FBXO34: variants seen among roughly 807,000 people sequenced by gnomAD.
FBXO34 encodes F-box only protein 34.
FBXO34 carries 12 observed loss-of-function variants against 24.5 expected under a neutral mutation model. The observed-to-expected ratio is 0.49, with a 90% CI of 0.31 to 0.79. FBXO34 has a LOEUF of 0.79. Among genes scored for constraint, FBXO34 ranks in the 30% least tolerant of loss-of-function variants. The pLI is 0.04. For missense variants in FBXO34, 823 were observed against 857.7 expected, an observed-to-expected ratio of 0.96 and a Z score of 0.51; for synonymous variants, 320 against 311.9, an observed-to-expected ratio of 1.03 and a Z score of -0.27.
chr14:55,347,943 T>G (rs569038756), intron 1 of FBXO34, among the ~76,000 whole-genome samples: 1 of 152,314 alleles, frequency 6.6e-6, no homozygotes, highest in East Asian at 1.9e-4. Flanking sequence ...CATTTAGGAA[T>G]GGGGTTGAAC....
At chr14:55,356,165 C>G (rs1043221826), downstream of FBXO34, among the ~76,000 whole-genome samples, 2 of 152,150 alleles carry the variant, frequency 1.3e-5, no homozygotes, top group Non-Finnish European at 2.9e-5. Flanking sequence ...TCGTGCCAAC[C>G]TTTTTGGACC....
At chr14:55,279,482 A>C (rs894841205) in intron 1 of FBXO34, among the ~76,000 whole-genome samples, 3 of 152,210 alleles carry the variant, frequency 2.0e-5, no homozygotes, top group Non-Finnish European at 4.4e-5. Flanking sequence ...CTGAATTCAC[A>C]GTGAAAGGAA....
In FBXO34 at chr14:55,351,789, C is replaced by G; in HGVS notation, c.1399C>G (p.Gln467Glu). ...CACTGTGTCCAAGGTAGACAAAGAC[C>G]AGCCTTCCATTTTAAACTCCTGTGA... The part of the protein sequence containing the change: ...SITVSKVDKD[Q>E]PSILNSCEDP... The change falls in exon 2 of 2, where the codon CAG becomes GAG. Residue 467 changes from glutamine to glutamate, a missense_variant. Transcript: ENST00000313833. 6.2e-7 allele frequency: 1 copy of G among 1,614,140 alleles called. No homozygotes were observed. The highest frequency in any genetic ancestry group is 8.5e-7 in the Non-Finnish European group (1 of 1,180,026).
At chr14:55,287,558 A>G (rs1238702092) in intron 1 of FBXO34, among the ~76,000 whole-genome samples, 1 of 152,248 alleles carries the variant, frequency 6.6e-6, no homozygotes, top group Non-Finnish European at 1.5e-5. Flanking sequence ...AAGCAACATC[A>G]TCAACAAATA....
At chr14:55,284,195 T>C (rs1594724776) in intron 1 of FBXO34, among the ~76,000 whole-genome samples, 1 of 152,000 alleles carries the variant, frequency 6.6e-6, no homozygotes, top group African/African-American at 2.4e-5. Flanking sequence ...GACTGTAGGG[T>C]ATAAAATTTT....
chr14:55,374,819 A>G (rs1369003338), downstream of FBXO34, among the ~76,000 whole-genome samples: 1 of 152,200 alleles, frequency 6.6e-6, no homozygotes, highest in Non-Finnish European at 1.5e-5. Flanking sequence ...TTCCACATAT[A>G]CAAGAGTCTG....
intron 1 of FBXO34, among the ~76,000 whole-genome samples, chr14:55,287,642 T>G (rs1381058180): frequency 6.6e-6 from 1 of 152,188 alleles, no homozygotes; most frequent in Non-Finnish European, 1.5e-5. Flanking sequence ...GTTTGTTTGT[T>G]TGTTTTATTA....
the FBXO34 span, chr14:55,394,971 C>A: frequency 2.4e-6 from 1 of 424,710 alleles, no homozygotes; most frequent in Non-Finnish European, 4.6e-6. Flanking sequence ...ACTGACACTT[C>A]AAAGGGGCTC....
intron 1 of FBXO34, among the ~76,000 whole-genome samples, chr14:55,323,228 T>A (rs1390391151): frequency 0.048 from 3,654 of 75,404 alleles, 309 homozygotes; most frequent in Non-Finnish European, 0.056. Flanking sequence ...AATATATATT[T>A]TTTTTTTTTT....
At chr14:55,442,388 C>CA in the FBXO34 span, among the ~76,000 whole-genome samples, 2,234 of 138,442 alleles carry the variant, frequency 0.016, 55 homozygotes, top group African/African-American at 0.049. Flanking sequence ...GACTCTGTCT[C>CA]AAAAAAAAAA....
the FBXO34 span, chr14:55,435,995 AC>A: frequency 9.3e-7 from 1 of 1,070,754 alleles, no homozygotes; most frequent in Non-Finnish European, 1.3e-6. Flanking sequence ...AAAAAAAAAG[AC>A]AACTTATTTT....
the FBXO34 span, among the ~76,000 whole-genome samples, chr14:55,437,840 G>A: frequency 2.6e-4 from 39 of 152,274 alleles, no homozygotes; most frequent in African/African-American, 7.2e-4. Flanking sequence ...AGGCAAAGGC[G>A]TAATAAGAAT....
At chr14:55,370,905 C>T (rs7160055), downstream of FBXO34, among the ~76,000 whole-genome samples, 136,523 of 152,176 alleles carry the variant, frequency 0.9, 61,577 homozygotes, top group East Asian at 1. Context: ...CCTCTCAAAA[C>T]GCTGAGATTA....
At chr14:55,302,853 T>C (rs971494463) in intron 1 of FBXO34, among the ~76,000 whole-genome samples, 2 of 152,230 alleles carry the variant, frequency 1.3e-5, no homozygotes, top group African/African-American at 4.8e-5. Flanking sequence ...TAAGTAGTTT[T>C]GGGGCAAATG....
At chr14:55,408,590 G>A in the FBXO34 span, among the ~76,000 whole-genome samples, 91 of 152,224 alleles carry the variant, frequency 6.0e-4, 2 homozygotes, top group East Asian at 0.015. Context: ...GGACAAGATA[G>A]GGAGACCCTG....
chr14:55,326,858 T>C (rs1487885711), intron 1 of FBXO34, among the ~76,000 whole-genome samples: 3 of 152,206 alleles, frequency 2.0e-5, no homozygotes, highest in Non-Finnish European at 4.4e-5. Flanking sequence ...ACAGTTGGTA[T>C]AATTTTACTT....
intron 3 of FBXO34, among the ~76,000 whole-genome samples, chr14:55,359,058 A>T (rs1884558128): frequency 6.6e-6 from 1 of 152,028 alleles, no homozygotes; most frequent in African/African-American, 2.4e-5. Context: ...GAGACCACCG[A>T]TGCACCACTC....
At chr14:55,336,602 G>A (rs1883783424) in intron 1 of FBXO34, among the ~76,000 whole-genome samples, 1 of 152,134 alleles carries the variant, frequency 6.6e-6, no homozygotes, top group South Asian at 2.1e-4. Flanking sequence ...TACAGAAATA[G>A]TAGTGAGAAA....
downstream of FBXO34, chr14:55,369,878 A>G (rs772234940): frequency 2.3e-5 from 37 of 1,614,080 alleles, no homozygotes; most frequent in Non-Finnish European, 3.0e-5. Flanking sequence ...GGGATCCACA[A>G]ATTCCATGGA....
Sources: gnomAD v4.1 joint callset for allele counts (sites outside exome capture counted in the v4.1 genomes callset) on GRCh38, gnomAD v4.1.1 for gene constraint, MANE v1.5 for transcripts, NCBI Gene and HGNC (gene_info 2026-07-23, HGNC 2026-07-21) for gene names.